BCL11B: variants seen among roughly 807,000 people sequenced by gnomAD.
BCL11B encodes the protein BCL11 transcription factor B.
A neutral mutation model predicts 49.9 loss-of-function variants in BCL11B; 8 were observed. That is an observed-to-expected ratio of 0.16 (90% CI 0.09 to 0.29). BCL11B has a LOEUF of 0.29. Among genes scored for constraint, BCL11B ranks in the 10% least tolerant of loss-of-function variants. The probability of loss-of-function intolerance (pLI) is 1.00; values close to 1 mark genes in which losing one functional copy is unlikely to be tolerated. For synonymous variants in BCL11B, 739 were observed against 637.4 expected (o/e 1.16, Z -2.40); for missense variants, 1,006 against 1,351.0 (o/e 0.74, Z 4.00).
In BCL11B at chr14:99,271,974, C is replaced by T. The variant is rs932714846; in HGVS notation, c.-756G>A. Among the ~76,000 whole-genome samples the T allele has an allele frequency of 9.9e-4, 151 of 151,964 alleles. 1 individual carries two copies. Among genetic ancestry groups the T allele is most frequent in the Admixed American group, 1.0e-3 (16 of 15,256 alleles). On this transcript the variant is annotated 5_prime_UTR_variant, in exon 1 of 4. Transcript: ENST00000357195. ...CTCTGGGGGGACACCAGGAGAGGCT[C>T]CTTCCCAGTTCACCTGGCAGGCTGG... is the stretch of plus-strand genomic sequence containing the variant.
chr14:99,180,992 T>G (rs2693680), intron 3 of BCL11B, among the ~76,000 whole-genome samples: 44,028 of 152,138 alleles, frequency 0.29, 7,730 homozygotes, highest in Middle Eastern at 0.43. Flanking sequence ...TCCTCCTTAT[T>G]AAGCTGGCTA....
chr14:99,189,791 G>C (rs1335415782), intron 3 of BCL11B, among the ~76,000 whole-genome samples: 1 of 152,214 alleles, frequency 6.6e-6, no homozygotes, highest in Non-Finnish European at 1.5e-5. Context: ...GATGAGAAGG[G>C]CTGGGAAACT....
chr14:99,229,417 G>A (rs557866568), intron 3 of BCL11B, among the ~76,000 whole-genome samples: 2 of 152,110 alleles, frequency 1.3e-5, no homozygotes, highest in Non-Finnish European at 2.9e-5. Flanking sequence ...CGTGGATGTC[G>A]GCAGAGGCAG....
chr14:99,218,924 G>C (rs1194879652), intron 3 of BCL11B, among the ~76,000 whole-genome samples: 1 of 152,242 alleles, frequency 6.6e-6, no homozygotes, highest in Non-Finnish European at 1.5e-5. Flanking sequence ...ACCCAGAGGA[G>C]AAAGCTGTGT....
At chr14:99,239,980 G>A (rs933152887) in intron 2 of BCL11B, among the ~76,000 whole-genome samples, 2 of 152,174 alleles carry the variant, frequency 1.3e-5, no homozygotes, top group South Asian at 2.1e-4. Context: ...ACTCAAGCCC[G>A]AAGCAGCCAG....
intron 2 of BCL11B, among the ~76,000 whole-genome samples, chr14:99,246,261 C>T (rs1231532029): frequency 6.6e-6 from 1 of 152,246 alleles, no homozygotes; most frequent in Non-Finnish European, 1.5e-5. Context: ...CCGCCCGCCC[C>T]TCGCCGCCCG....
chr14:99,206,219 C>T (rs769577475), intron 3 of BCL11B, among the ~76,000 whole-genome samples: 3 of 152,294 alleles, frequency 2.0e-5, no homozygotes, highest in East Asian at 1.9e-4. Flanking sequence ...CCACAAACTA[C>T]GGGCCATGGA....
rs1382158822 is a variant in BCL11B, at chr14:99,170,697, T to C, written c.*3454A>G. ...CTCGCATTCGGAAACTGACGGAATG[T>C]AGGTTTCAGAGAGCAAAGCAGCAAA... is the stretch of plus-strand genomic sequence containing the variant. On this transcript the variant is annotated 3_prime_UTR_variant, in exon 4 of 4. Transcript: ENST00000357195. 1.3e-5 allele frequency: 3 copies of C among 233,292 alleles called. No individual in the cohort carries two copies. The highest frequency in any genetic ancestry group is 6.0e-5 in the East Asian group (1 of 16,546). 14.5% of individuals were successfully genotyped at this position (233,292 alleles called of 1,614,324 possible).
rs1566821528 is a variant in BCL11B, at chr14:99,231,324, C to G, written c.640+21G>C. On this transcript the variant is annotated intron_variant, in intron 3 of 3. Coordinates refer to ENST00000357195, the MANE Select transcript of BCL11B (RefSeq NM_138576.4). The surrounding 1 kb of genome is among the most constrained non-coding windows in gnomAD (Gnocchi z 8.1). ...CCCGCCATCCCGGGGGCCCGCCCCC[C>G]ACCGCGGCGTCGTCTGTTACCTGAC... 2.5e-6 allele frequency: 4 copies of G among 1,605,966 alleles called. No individual in the cohort carries two copies. In the South Asian group the frequency reaches 3.3e-5, roughly 13 times the overall value.
chr14:99,258,421 T>G (rs1889238982), intron 1 of BCL11B, among the ~76,000 whole-genome samples: 1 of 151,698 alleles, frequency 6.6e-6, no homozygotes, highest in Admixed American at 6.6e-5. Flanking sequence ...CCTTACACCT[T>G]CATTCATGCC....
rs183476476 is a variant in BCL11B, at chr14:99,179,341, G to T, written c.641-3146C>A. ...ATACAAAAATTAGCCGGGTGTGGTG[G>T]CATATGCCTATAATCCCAGCTACTC... is the stretch of plus-strand genomic sequence containing the variant. On this transcript the variant is annotated intron_variant, in intron 3 of 3. Coordinates refer to ENST00000357195, the MANE Select transcript of BCL11B (RefSeq NM_138576.4). 4.8e-3 allele frequency among the ~76,000 whole-genome samples: 725 copies of T among 152,142 alleles called. 5 individuals are homozygous for T. Among genetic ancestry groups the T allele is most frequent in the South Asian group, 0.019 (89 of 4,810 alleles).
In BCL11B at chr14:99,175,724, G is replaced by T; in HGVS notation, c.1112C>A (p.Ala371Glu). ...GGGCGGCGGCGTGGAGCTGTTGCCC[G>T]CCAGCTCGCGGAGCCGCCGCGAGAA... ...MDFSRRLREL[A>E]GNSSTPPPVS... Residue 371 changes from alanine to glutamate, a missense_variant, in exon 4 of 4, where the codon GCG becomes GAG. Physicochemically the swap from Ala to Glu is moderately radical, Grantham distance 107. Coordinates refer to ENST00000357195, the MANE Select transcript of BCL11B (RefSeq NM_138576.4). 1 of 1,484,846 alleles carries T rather than the reference G, an allele frequency of 6.7e-7. No homozygotes were observed. The highest frequency in any genetic ancestry group is 2.5e-5 in the East Asian group (1 of 39,536). The allele number at this position is 1,484,846 out of a possible 1,614,324, so 92.0% of individuals were successfully genotyped here.
At chr14:99,218,066 T>G (rs938605966) in intron 3 of BCL11B, among the ~76,000 whole-genome samples, 3 of 140,314 alleles carry the variant, frequency 2.1e-5, no homozygotes, top group East Asian at 2.0e-4. Flanking sequence ...TGCAGGTTTT[T>G]TTTTTTTTTT....
Position 99,271,758 on chromosome 14 carries a change from A to G in BCL11B, c.-540T>C, listed in dbSNP as rs979451964. The stretch of plus-strand genomic sequence containing the variant: ...AAAAATGCAAACAAATAAAAAAATA[A>G]AAGAAGAAAAAGCAAAGGAAAAAAA... On this transcript the variant is annotated 5_prime_UTR_variant, in exon 1 of 4. Coordinates refer to ENST00000357195, the MANE Select transcript of BCL11B (RefSeq NM_138576.4). Among the ~76,000 whole-genome samples the G allele has an allele frequency of 2.6e-5, 4 of 151,314 alleles. No individual in the cohort carries two copies. Among genetic ancestry groups the G allele is most frequent in the African/African-American group, 9.8e-5 (4 of 40,694 alleles).
At position 99,169,601 on chromosome 14, in the gene BCL11B, A is replaced by G. The variant is rs947795401; in HGVS notation, c.*4550T>C. ...CTTGTAGTAAAAGACAAAACCTCCA[A>G]GTAAACAACAAAAGCTCATACAATA... On this transcript the variant is annotated 3_prime_UTR_variant, in exon 4 of 4. Transcript: ENST00000357195. 2 of 209,568 alleles carry G rather than the reference A, an allele frequency of 9.5e-6. No individual in the cohort carries two copies. Among genetic ancestry groups the G allele is most frequent in the African/African-American group, 4.5e-5 (2 of 44,098 alleles). 13.0% of individuals were successfully genotyped at this position (209,568 alleles called of 1,614,324 possible).
chr14:99,229,007 G>GATGGATGC, intron 3 of BCL11B, among the ~76,000 whole-genome samples: 1 of 103,248 alleles, frequency 9.7e-6, no homozygotes, highest in East Asian at 2.9e-4. Context: ...TGGATGAATG[G>GATGGATGC]ATGGATGGAT....
At position 99,173,192 on chromosome 14, in the gene BCL11B, T is replaced by A. The variant is rs1282165410; in HGVS notation, c.*959A>T. ...AGGCCACCCCATCTCCCCAAAAAGGTACCCTCAGCCCATTTTATGTAGCCT... is the reference window on the plus strand; with the variant it reads ...AGGCCACCCCATCTCCCCAAAAAGGAACCCTCAGCCCATTTTATGTAGCCT... On this transcript the variant is annotated 3_prime_UTR_variant, in exon 4 of 4. Transcript: ENST00000357195. 4.4e-6 allele frequency: 1 copy of A among 229,104 alleles called. No individual in the cohort carries two copies. Among genetic ancestry groups the A allele is most frequent in the Non-Finnish European group, 8.6e-6 (1 of 115,636 alleles). The allele number at this position is 229,104 out of a possible 1,614,324, so 14.2% of individuals were successfully genotyped here. A position where few individuals can be genotyped will look rare whatever the true frequency, so the allele number is the denominator to read the frequency against.
At chr14:99,198,797 G>A (rs985369245) in intron 3 of BCL11B, among the ~76,000 whole-genome samples, 2 of 152,012 alleles carry the variant, frequency 1.3e-5, no homozygotes, top group African/African-American at 2.4e-5. Context: ...CCCCACCCCC[G>A]GTCAGCACAG....
chr14:99,194,857 A>G lies in BCL11B; in HGVS notation c.641-18662T>C, dbSNP rs1017615314. On this transcript the variant is annotated intron_variant, in intron 3 of 3. Transcript: ENST00000357195. This position sits in a 1 kb window ranked among gnomAD's most constrained non-coding sequence, Gnocchi z 4.6. ...GCACCCGACCAGTAGGACCTTGGTC[A>G]GTCCTTACCACGATCCCATCTTACC... Among the ~76,000 whole-genome samples, 2 of 152,194 alleles carry G rather than the reference A, an allele frequency of 1.3e-5. No individual in the cohort carries two copies. Among genetic ancestry groups the G allele is most frequent in the East Asian group, 1.9e-4 (1 of 5,192 alleles).
Sources: allele counts gnomAD v4.1 joint callset (sites outside exome capture counted in the v4.1 genomes callset), GRCh38; gene constraint gnomAD v4.1.1; non-coding constraint Gnocchi (gnomAD v3.1); transcripts MANE v1.5; gene names NCBI Gene and HGNC (gene_info 2026-07-23, HGNC 2026-07-21).